The following PRIM2 variants were observed in gnomAD, a reference collection of about 807,000 sequenced individuals.
PRIM2 encodes the protein DNA primase large subunit.
In PRIM2, 39 loss-of-function variants were observed where a neutral mutation model predicts 67.3. The ratio of observed to expected loss-of-function variants is 0.58; its 90% CI spans 0.45 to 0.76. The LOEUF is 0.76. Among genes scored for constraint, PRIM2 ranks in the 30% least tolerant of loss-of-function variants. PRIM2 has a pLI of 0.00. For missense variants in PRIM2, 398 were observed against 598.7 expected (o/e 0.66, Z 3.50); for synonymous variants, 143 against 198.7 (o/e 0.72, Z 2.36).
the PRIM2 span, among the ~76,000 whole-genome samples, chr6:57,308,136 CT>C: frequency 0.41 from 60,191 of 147,254 alleles, 12,877 homozygotes; most frequent in African/African-American, 0.55. Flanking sequence ...TTTTTTCTCT[CT>C]TTTTTTTTTT....
chr6:57,371,630 A>C (rs1769560407), intron 5 of PRIM2, among the ~76,000 whole-genome samples: 2 of 152,222 alleles, frequency 1.3e-5, no homozygotes, highest in South Asian at 4.1e-4. Context: ...TGTATATTAA[A>C]ATTTTATTTA....
intron 9 of PRIM2, among the ~76,000 whole-genome samples, chr6:57,535,257 A>G (rs1774980490): frequency 6.6e-6 from 1 of 152,182 alleles, no homozygotes; most frequent in African/African-American, 2.4e-5. Flanking sequence ...GAGAAAAATG[A>G]GAAGCTACAG....
At chr6:57,492,960 A>C (rs1318946120) in intron 7 of PRIM2, among the ~76,000 whole-genome samples, 1 of 152,230 alleles carries the variant, frequency 6.6e-6, no homozygotes, top group African/African-American at 2.4e-5. Context: ...TTAATACAGC[A>C]ATACATTATA....
chr6:57,598,191 C>T (rs1478277210), intron 10 of PRIM2, among the ~76,000 whole-genome samples: 1 of 152,198 alleles, frequency 6.6e-6, no homozygotes, highest in Non-Finnish European at 1.5e-5. Context: ...CACAGCCACT[C>T]ACAGCTTCTG....
At chr6:57,370,895 A>G (rs4312992) in intron 5 of PRIM2, among the ~76,000 whole-genome samples, 1 of 151,900 alleles carries the variant, frequency 6.6e-6, no homozygotes, top group Non-Finnish European at 1.5e-5. Flanking sequence ...ATGGGGTTTC[A>G]CCATGTTGGC....
rs1178449432 is a variant in PRIM2 at position 57,482,158 on chromosome 6, ATT to A, written c.694-25215_694-25214del. Reference sequence around the variant, plus strand: ...GATATTGTTGACAAAAATAATTTGGATTTTTTTTTTTTTTTGTAATTTAGGGG... The same window carrying A: ...GATATTGTTGACAAAAATAATTTGGATTTTTTTTTTTTTGTAATTTAGGGG... On this transcript the variant is annotated intron_variant, in intron 7 of 13. Coordinates refer to ENST00000615550, the MANE Select transcript of PRIM2 (RefSeq NM_000947.5). 2.3e-3 allele frequency among the ~76,000 whole-genome samples: 339 copies of A among 145,826 alleles called. 1 individual carries two copies. The highest frequency in any genetic ancestry group is 5.4e-3 in the African/African-American group (214 of 39,836).
At chr6:57,582,920 A>C in intron 10 of PRIM2, among the ~76,000 whole-genome samples, 1 of 136,972 alleles carries the variant, frequency 7.3e-6, no homozygotes, top group African/African-American at 2.7e-5. Flanking sequence ...TATATCTCCC[A>C]ATGCTATCCC....
intron 3 of PRIM2, among the ~76,000 whole-genome samples, chr6:57,322,063 T>C (rs1162329261): frequency 6.6e-6 from 1 of 152,004 alleles, no homozygotes; most frequent in Non-Finnish European, 1.5e-5. Flanking sequence ...AGAAGGAAGG[T>C]GGAGCGGTGG....
At chr6:57,564,931 G>T (rs1775707558) in intron 10 of PRIM2, among the ~76,000 whole-genome samples, 1 of 152,210 alleles carries the variant, frequency 6.6e-6, no homozygotes, top group Non-Finnish European at 1.5e-5. Context: ...ACAAATGGAT[G>T]TAGCTGTGTT....
At position 57,461,106 on chromosome 6, in the gene PRIM2, A is replaced by G. The variant is rs1397294397; in HGVS notation, c.694-46281A>G. Reference sequence around the variant, plus strand: ...GCAATGTGGAGATGAGAGGAGGGATAAGGAAAGAGAAAGCTCATGCAGAGA... The same window carrying G: ...GCAATGTGGAGATGAGAGGAGGGATGAGGAAAGAGAAAGCTCATGCAGAGA... On this transcript the variant is annotated intron_variant, in intron 7 of 13. Transcript: ENST00000615550. Among the ~76,000 whole-genome samples, 190 of 152,342 alleles carry G rather than the reference A, an allele frequency of 1.2e-3. 4 individuals are homozygous for G. In the East Asian group the frequency reaches 0.016, roughly 13 times the overall value.
At chr6:57,601,247 C>G (rs1317776097) in intron 11 of PRIM2, 28 bp downstream of exon 11, 11 of 1,560,954 alleles carry the variant, frequency 7.0e-6, no homozygotes, top group Non-Finnish European at 9.5e-6. Flanking sequence ...ATATGTTGGC[C>G]AAGTACAGAA....
chr6:57,429,934 A>G (rs1771762300), intron 7 of PRIM2, among the ~76,000 whole-genome samples: 1 of 152,214 alleles, frequency 6.6e-6, no homozygotes. Context: ...GCTGTTGAAC[A>G]TCTTTTCATT....
intron 7 of PRIM2, chr6:57,383,034 T>G (rs1770015566): frequency 6.6e-6 from 1 of 152,096 alleles, no homozygotes; most frequent in African/African-American, 2.4e-5. Context: ...ATGAAGGAAT[T>G]TATGAGAACA....
chr6:57,333,565 C>A (rs938578664), intron 5 of PRIM2, among the ~76,000 whole-genome samples: 1 of 151,960 alleles, frequency 6.6e-6, no homozygotes, highest in Admixed American at 6.6e-5. Flanking sequence ...TAGAAAATTT[C>A]TTTTTATTAT....
chr6:57,403,249 ATTTTTT>A (rs71299587), intron 7 of PRIM2, among the ~76,000 whole-genome samples: 71 of 110,186 alleles, frequency 6.4e-4, no homozygotes, highest in African/African-American at 1.5e-3. Context: ...CAGGTGAAGA[ATTTTTT>A]TTTTTTTTTT....
chr6:57,626,727 C>T (rs1187383722), intron 12 of PRIM2, among the ~76,000 whole-genome samples: 7 of 151,606 alleles, frequency 4.6e-5, no homozygotes, highest in South Asian at 2.1e-4. Context: ...CCGACTCAAG[C>T]GAACCTCCCG....
chr6:57,637,650 T>C (rs1777148798), intron 13 of PRIM2, among the ~76,000 whole-genome samples: 2 of 152,112 alleles, frequency 1.3e-5, no homozygotes, highest in East Asian at 3.9e-4. Flanking sequence ...GAAGAACAGA[T>C]ATCAGAGATT....
chr6:57,518,880 T>A (rs1358993611), intron 8 of PRIM2, among the ~76,000 whole-genome samples: 2 of 152,206 alleles, frequency 1.3e-5, no homozygotes, highest in Non-Finnish European at 2.9e-5. Context: ...TTCTTACCAA[T>A]GACTTATTAT....
At chr6:57,260,515 A>G in the PRIM2 span, among the ~76,000 whole-genome samples, 2 of 152,324 alleles carry the variant, frequency 1.3e-5, no homozygotes, top group Non-Finnish European at 2.9e-5. Context: ...TTTCATTTTT[A>G]TGAACCCATT....
Sources: gnomAD v4.1 joint callset for allele counts (sites outside exome capture counted in the v4.1 genomes callset) on GRCh38, gnomAD v4.1.1 for gene constraint, MANE v1.5 for transcripts, NCBI Gene and HGNC (gene_info 2026-07-23, HGNC 2026-07-21) for gene names.